TMEM229B: variants seen among roughly 807,000 people sequenced by gnomAD.
The protein encoded by TMEM229B is transmembrane protein 229B.
In TMEM229B, 6 loss-of-function variants were observed where a neutral mutation model predicts 13.7. That is an observed-to-expected ratio of 0.44 (90% confidence interval 0.24 to 0.86). The LOEUF is 0.86. Among genes scored for constraint, TMEM229B ranks in the 40% least tolerant of loss-of-function variants. The pLI, the probability that TMEM229B is intolerant of heterozygous loss-of-function variation, is 0.23. For synonymous variants in TMEM229B, 107 were observed against 102.1 expected (o/e 1.05, Z -0.29); for missense variants, 170 against 236.0 (o/e 0.72, Z 1.83).
At chr14:67,492,343 G>A (rs543858470), upstream of TMEM229B, among the ~76,000 whole-genome samples, 2 of 152,342 alleles carry the variant, frequency 1.3e-5, no homozygotes, top group South Asian at 2.1e-4. Context: ...GCCTCACCTT[G>A]CCTTCATCAA....
intron 1 of TMEM229B, among the ~76,000 whole-genome samples, chr14:67,499,202 C>T (rs1179882219): frequency 6.6e-6 from 1 of 151,954 alleles, no homozygotes; most frequent in Non-Finnish European, 1.5e-5. Flanking sequence ...TGGGGTCCTG[C>T]TATGTTGCTC....
chr14:67,490,297 G>A (rs1028481266), upstream of TMEM229B, among the ~76,000 whole-genome samples: 7 of 152,294 alleles, frequency 4.6e-5, no homozygotes. Context: ...ATCTCCAGGA[G>A]CCATTGCACC....
Position 67,521,958 on chromosome 14 carries a change from C to T in TMEM229B, c.-192+11678G>A, listed in dbSNP as rs547085108. On this transcript the variant is annotated intron_variant, in intron 1 of 2. Coordinates refer to the TMEM229B transcript ENST00000554278. ...TTGGGAGGCTGAGGCGGGTGGATCACGAGGTCAAGAGTTCAATATCAGCCT... is the reference window on the plus strand; with the variant it reads ...TTGGGAGGCTGAGGCGGGTGGATCATGAGGTCAAGAGTTCAATATCAGCCT... Among the ~76,000 whole-genome samples the T allele has an allele frequency of 1.8e-3, 275 of 152,122 alleles. 3 individuals are homozygous for T. Among genetic ancestry groups the T allele is most frequent in the Non-Finnish European group, 1.1e-3 (76 of 67,998 alleles).
At chr14:67,521,879 T>C (rs369978387) in intron 1 of TMEM229B, among the ~76,000 whole-genome samples, 1 of 152,326 alleles carries the variant, frequency 6.6e-6, no homozygotes, top group East Asian at 1.9e-4. Flanking sequence ...GAGTTGACTA[T>C]GAAAGTTGGG....
intron 1 of TMEM229B, among the ~76,000 whole-genome samples, chr14:67,523,300 G>A (rs1443094750): frequency 4.7e-5 from 7 of 148,772 alleles, no homozygotes; most frequent in East Asian, 4.0e-4. Flanking sequence ...CTCCACCTGG[G>A]TTACAGAGTA....
chr14:67,497,796 T>G (rs962750739), intron 1 of TMEM229B, among the ~76,000 whole-genome samples: 4 of 151,874 alleles, frequency 2.6e-5, no homozygotes, highest in African/African-American at 9.7e-5. Context: ...TCCTGGTATT[T>G]GAGTCACCCA....
At chr14:67,508,181 A>C (rs1311322922) in intron 1 of TMEM229B, among the ~76,000 whole-genome samples, 1 of 150,182 alleles carries the variant, frequency 6.7e-6, no homozygotes, top group Non-Finnish European at 1.5e-5. Flanking sequence ...CCCCTTCTTG[A>C]GAAGGGACTT....
intron 2 of TMEM229B, among the ~76,000 whole-genome samples, chr14:67,474,366 A>T (rs8011563): frequency 2.0e-5 from 3 of 151,916 alleles, no homozygotes; most frequent in Non-Finnish European, 4.4e-5. Flanking sequence ...TGTACTCCCT[A>T]GAGCTTTTTT....
upstream of TMEM229B, among the ~76,000 whole-genome samples, chr14:67,492,419 C>T (rs1394552877): frequency 6.6e-6 from 1 of 152,222 alleles, no homozygotes. Flanking sequence ...CACATGAGAC[C>T]AGCAAGCCTT....
upstream of TMEM229B, among the ~76,000 whole-genome samples, chr14:67,489,712 C>T (rs190439311): frequency 1.2e-4 from 18 of 152,274 alleles, no homozygotes; most frequent in South Asian, 6.2e-4. Flanking sequence ...TCTATGTAGC[C>T]GGGCGCGGTG....
intron 1 of TMEM229B, among the ~76,000 whole-genome samples, chr14:67,527,674 C>G (rs975130015): frequency 1.1e-4 from 16 of 152,176 alleles, no homozygotes; most frequent in African/African-American, 3.6e-4. Context: ...CCGCAGCAGC[C>G]CCTCATTCCC....
intron 1 of TMEM229B, among the ~76,000 whole-genome samples, chr14:67,503,114 T>A (rs1002745408): frequency 3.3e-5 from 5 of 152,128 alleles, no homozygotes; most frequent in African/African-American, 1.2e-4. Context: ...GAGATCAGGA[T>A]CTGTGTTTGC....
At chr14:67,483,400 T>G (rs1161626078) in intron 2 of TMEM229B, among the ~76,000 whole-genome samples, 1 of 152,212 alleles carries the variant, frequency 6.6e-6, no homozygotes, top group Non-Finnish European at 1.5e-5. Context: ...ATCAGCACAC[T>G]GCACTGCCCC....
intron 1 of TMEM229B, among the ~76,000 whole-genome samples, chr14:67,528,444 G>T (rs895458389): frequency 6.6e-6 from 1 of 152,188 alleles, no homozygotes; most frequent in Non-Finnish European, 1.5e-5. Context: ...ACTTAAAGCT[G>T]GTCCCTGCCC....
At chr14:67,503,767 G>A (rs1375930663) in intron 1 of TMEM229B, among the ~76,000 whole-genome samples, 2 of 151,816 alleles carry the variant, frequency 1.3e-5, no homozygotes, top group Non-Finnish European at 2.9e-5. Flanking sequence ...ACAGTCGTGC[G>A]ATCTCAGCTC....
In TMEM229B at chr14:67,471,173, A is replaced by C. The variant is rs2030690100; in HGVS notation, c.*2247T>G. Reference sequence around the variant, plus strand: ...ACCCCCAGGACCTCCTGCACTTGGGAAAGTATAGGACCCAGAGAGGAAATG... The same window carrying C: ...ACCCCCAGGACCTCCTGCACTTGGGCAAGTATAGGACCCAGAGAGGAAATG... On this transcript the variant is annotated 3_prime_UTR_variant, in exon 3 of 3. Coordinates refer to ENST00000554480, the MANE Select transcript of TMEM229B (RefSeq NM_001348543.2). 1 of 152,192 alleles carries C rather than the reference A, an allele frequency of 6.6e-6. No homozygotes were observed. The highest frequency in any genetic ancestry group is 6.5e-5 in the Admixed American group (1 of 15,274). 9.4% of individuals were successfully genotyped at this position (152,192 alleles called of 1,614,324 possible).
Position 67,470,942 on chromosome 14 carries a change from G to A in TMEM229B, c.*2478C>T, listed in dbSNP as rs1203649308. 6.6e-6 allele frequency: 1 copy of A among 152,236 alleles called. No individual in the cohort carries two copies. Among genetic ancestry groups the A allele is most frequent in the East Asian group, 1.9e-4 (1 of 5,194 alleles). 9.4% of individuals were successfully genotyped at this position (152,236 alleles called of 1,614,324 possible). On this transcript the variant is annotated 3_prime_UTR_variant, in exon 3 of 3. Coordinates refer to ENST00000554480, the MANE Select transcript of TMEM229B (RefSeq NM_001348543.2). ...CAAACTTTGAGTCCCTGGCCACTAA[G>A]GGATTGGGGCCCTGATACCCAAAAA...
At chr14:67,524,804 A>G (rs1203211474) in intron 1 of TMEM229B, among the ~76,000 whole-genome samples, 1 of 152,152 alleles carries the variant, frequency 6.6e-6, no homozygotes, top group African/African-American at 2.4e-5. Flanking sequence ...GGATCCAGAT[A>G]ATATCAAAAG....
intron 1 of TMEM229B, among the ~76,000 whole-genome samples, chr14:67,496,401 T>TTTTTTG: frequency 8.0e-6 from 1 of 124,478 alleles, no homozygotes; most frequent in South Asian, 3.1e-4. Context: ...GTTTTTTTTT[T>TTTTTTG]TTTTTTTTTT....
Sources: allele counts gnomAD v4.1 joint callset (sites outside exome capture counted in the v4.1 genomes callset), GRCh38; gene constraint gnomAD v4.1.1; transcripts MANE v1.5; gene names NCBI Gene and HGNC (gene_info 2026-07-23, HGNC 2026-07-21).